TMIE: variants seen among roughly 807,000 people sequenced by gnomAD.
TMIE encodes transmembrane inner ear expressed protein.
In TMIE, 14 loss-of-function variants were observed where a neutral mutation model predicts 16.8. The ratio of observed to expected loss-of-function variants is 0.83; its 90% CI spans 0.55 to 1.30. TMIE has a LOEUF of 1.30. Ranked by LOEUF, TMIE falls within the 50% of genes most tolerant of loss-of-function variation. The pLI is 0.00. For synonymous variants in TMIE, 75 were observed against 87.2 expected, an observed-to-expected ratio of 0.86 and a Z score of 0.78; for missense variants, 204 against 205.9, an observed-to-expected ratio of 0.99 and a Z score of 0.06.
chr3:46,709,957 G>A lies in TMIE; in HGVS notation c.*269G>A. 1.9e-6 allele frequency: 1 copy of A among 522,154 alleles called. No individual in the cohort carries two copies. Among genetic ancestry groups the A allele is most frequent in the Non-Finnish European group, 3.2e-6 (1 of 307,732 alleles). The allele number at this position is 522,154 out of a possible 1,614,324, so 32.3% of individuals were successfully genotyped here. On this transcript the variant is annotated 3_prime_UTR_variant, in exon 4 of 4. Transcript: ENST00000643606. The stretch of plus-strand genomic sequence containing the variant: ...GGTGGTCTGGTGCCACCGTCCCTCT[G>A]CAGATACACTGCTCTCCCCACCCAG...
Position 46,705,878 on chromosome 3 carries a change from G to A in TMIE, c.182G>A (p.Gly61Asp). Residue 61 changes from glycine (G) to aspartate (D), a missense_variant, in exon 2 of 4, where the codon GGC becomes GAC. Physicochemically the swap from Gly to Asp is moderately conservative, Grantham distance 94 (BLOSUM62 -1). Coordinates refer to ENST00000643606, the MANE Select transcript of TMIE (RefSeq NM_147196.3). ...FWDMRLWHVVGIFSLFVLSII... is the reference protein window; with the variant it reads ...FWDMRLWHVVDIFSLFVLSII... ...GACATGCGCCTGTGGCACGTGGTGG[G>A]CATCTTTTCGCTCTTCGTGTTGTCC... The A allele has an allele frequency of 1.2e-6, 2 of 1,614,104 alleles. No homozygotes were observed. Among genetic ancestry groups the A allele is most frequent in the Non-Finnish European group, 1.7e-6 (2 of 1,180,028 alleles).
rs1022986273 is a variant in TMIE, at chr3:46,701,406, A to G, written c.-82A>G. The G allele has an allele frequency of 3.3e-6, 4 of 1,209,394 alleles. No individual in the cohort carries two copies. The South Asian group carries it at 6.0e-5, about 18-fold the overall frequency. The allele number at this position is 1,209,394 out of a possible 1,614,324, so 74.9% of individuals were successfully genotyped here. A position where few individuals can be genotyped will look rare whatever the true frequency, so the allele number is the denominator to read the frequency against. Reference sequence around the variant, plus strand: ...CTACCCGTGGCCAAAGCCCGTGGCCACCGAGCGCCGGCTGGCAGGGGCAGT... The same window carrying G: ...CTACCCGTGGCCAAAGCCCGTGGCCGCCGAGCGCCGGCTGGCAGGGGCAGT... On this transcript the variant is annotated 5_prime_UTR_variant, in exon 1 of 4. Transcript: ENST00000643606. This position sits in a 1 kb window ranked among gnomAD's most constrained non-coding sequence, Gnocchi z 4.3.
At chr3:46,701,242 A>C, upstream of TMIE, 120 of 298,022 alleles carry the variant, frequency 4.0e-4, no homozygotes, top group East Asian at 5.5e-4. The surrounding 1 kb of genome is among the most constrained non-coding windows in gnomAD (Gnocchi z 4.3). Context: ...GTCCCTGGGG[A>C]TGCGGAAGGT....
chr3:46,701,102 T>C (rs1416692295), upstream of TMIE, among the ~76,000 whole-genome samples: 1 of 150,810 alleles, frequency 6.6e-6, no homozygotes, highest in Admixed American at 6.6e-5. The surrounding 1 kb of genome is among the most constrained non-coding windows in gnomAD (Gnocchi z 4.3). Context: ...GCCTCCTAGA[T>C]CAGCAGATTC....
Position 46,701,661 on chromosome 3 carries a change from C to T in TMIE, c.93+81C>T. The T allele has an allele frequency of 2.7e-6, 3 of 1,125,456 alleles. No individual in the cohort carries two copies. The highest frequency in any genetic ancestry group is 3.4e-5 in the South Asian group (1 of 29,558). 69.7% of individuals were successfully genotyped at this position (1,125,456 alleles called of 1,614,324 possible). On this transcript the variant is annotated intron_variant, in intron 1 of 3. Coordinates refer to ENST00000643606, the MANE Select transcript of TMIE (RefSeq NM_147196.3). This position sits in a 1 kb window ranked among gnomAD's most constrained non-coding sequence, Gnocchi z 4.3. ...GGGGGAGAGGGGACGCCTTTTTGAT[C>T]CGGAGCTTGTTTGATCCCTTACTCT...
At position 46,709,683 on chromosome 3, in the gene TMIE, A is replaced by T. The variant is rs1700596785; in HGVS notation, c.466A>T (p.Lys156Ter). 6.2e-7 allele frequency: 1 copy of T among 1,613,878 alleles called. No homozygotes were observed. Among genetic ancestry groups the T allele is most frequent in the Non-Finnish European group, 8.5e-7 (1 of 1,179,960 alleles). ...TGAGGCCAAGAAGAAGAAAGGAGAG[A>T]AATGAAGACATCCTGGGCAGCTTGG... ...KNEAKKKKGE[K>*] The change falls in exon 4 of 4, where the codon AAA becomes TAA. Residue 156 changes from lysine (K) to a stop codon, truncating the protein, a stop_gained. Coordinates refer to ENST00000643606, the MANE Select transcript of TMIE (RefSeq NM_147196.3). LOFTEE classifies it high-confidence loss of function.
upstream of TMIE, among the ~76,000 whole-genome samples, chr3:46,696,624 G>C (rs913154079): frequency 1.3e-5 from 2 of 151,986 alleles, no homozygotes; most frequent in South Asian, 2.1e-4. Context: ...CCTACCCCCA[G>C]CTCCCCCAGA....
upstream of TMIE, among the ~76,000 whole-genome samples, chr3:46,701,095 T>C (rs1700466500): frequency 6.7e-6 from 1 of 150,314 alleles, no homozygotes; most frequent in Admixed American, 6.6e-5. This position sits in a 1 kb window ranked among gnomAD's most constrained non-coding sequence, Gnocchi z 4.3. Context: ...GGGAAGGGCC[T>C]CCTAGATCAG....
At chr3:46,694,723 T>C (rs1326087830) in intron 1 of TMIE, 1 of 151,794 alleles carries the variant, frequency 6.6e-6, no homozygotes, top group Non-Finnish European at 1.5e-5. Flanking sequence ...CCTTGGAGGG[T>C]TTCCAGCCTG....
At chr3:46,698,840 TTA>T (rs1330610608), upstream of TMIE, among the ~76,000 whole-genome samples, 3 of 148,806 alleles carry the variant, frequency 2.0e-5, no homozygotes, top group African/African-American at 7.7e-5. Flanking sequence ...TTTTCTTTTT[TTA>T]TTTTTTATTT....
chr3:46,700,942 G>T (rs1458642858), upstream of TMIE, among the ~76,000 whole-genome samples: 1 of 151,910 alleles, frequency 6.6e-6, no homozygotes, highest in African/African-American at 2.4e-5. Flanking sequence ...TGGTGTCCAG[G>T]GTGACCAGAG....
At position 46,701,637 on chromosome 3, in the gene TMIE, G is replaced by A; in HGVS notation, c.93+57G>A. ...CTGTCACCCTCCAGGCAGGGGGCTG[G>A]GGGAGAGGGGACGCCTTTTTGATCC... On this transcript the variant is annotated intron_variant, in intron 1 of 3. Coordinates refer to ENST00000643606, the MANE Select transcript of TMIE (RefSeq NM_147196.3). This position sits in a 1 kb window ranked among gnomAD's most constrained non-coding sequence, Gnocchi z 4.3. 3.3e-6 allele frequency: 4 copies of A among 1,221,800 alleles called. No individual in the cohort carries two copies. The highest frequency in any genetic ancestry group is 4.1e-6 in the Non-Finnish European group (4 of 967,084). The allele number at this position is 1,221,800 out of a possible 1,614,324, so 75.7% of individuals were successfully genotyped here.
At chr3:46,700,910 A>AC (rs1003383124), upstream of TMIE, among the ~76,000 whole-genome samples, 25 of 151,122 alleles carry the variant, frequency 1.7e-4, no homozygotes, top group South Asian at 1.3e-3. Flanking sequence ...CTCTGACCAT[A>AC]CCATCCCCTG....
At chr3:46,706,602 T>C (rs949404315) in intron 2 of TMIE, among the ~76,000 whole-genome samples, 2 of 148,880 alleles carry the variant, frequency 1.3e-5, no homozygotes, top group African/African-American at 5.0e-5. Flanking sequence ...AAAAGCAGAG[T>C]GGGGGGGAAT....
At position 46,710,848 on chromosome 3, in the gene TMIE, C is replaced by T. The variant is rs185871296; in HGVS notation, c.*1160C>T. 2.8e-4 allele frequency: 42 copies of T among 152,354 alleles called. No individual in the cohort carries two copies. The highest frequency in any genetic ancestry group is 1.0e-3 in the African/African-American group (42 of 41,572). The allele number at this position is 152,354 out of a possible 1,614,324, so 9.4% of individuals were successfully genotyped here. ...CAGGAGAGCCTGCTGGAAAAGCAGC[C>T]TGCAGAGATTTGTGAATAAAGCTGA... On this transcript the variant is annotated 3_prime_UTR_variant, in exon 4 of 4. Transcript: ENST00000643606.
upstream of TMIE, among the ~76,000 whole-genome samples, chr3:46,694,043 C>T (rs1228778442): frequency 6.6e-6 from 1 of 152,226 alleles, no homozygotes; most frequent in Non-Finnish European, 1.5e-5. Flanking sequence ...CTCGCCCCGC[C>T]AGTCAGTCGC....
intron 1 of TMIE, among the ~76,000 whole-genome samples, chr3:46,703,850 A>C (rs1700508291): frequency 6.6e-6 from 1 of 152,128 alleles, no homozygotes; most frequent in Admixed American, 6.5e-5. Context: ...GGATGGTCGA[A>C]CTACAGGTTG....
rs753978775 is a variant in TMIE at position 46,709,604 on chromosome 3, GAA to G, written c.388_389del (p.Lys130GlufsTer15). ...GEDKKKKKKK[K>X]KDSVDTVAIK... is the part of the protein sequence containing the mutation. Reference sequence around the variant, plus strand: ...AGGATAAGAAGAAGAAGAAGAAGAAGAAGAAGGACAGTGTGGACACAGTGGCC... The same window carrying G: ...AGGATAAGAAGAAGAAGAAGAAGAAGGAAGGACAGTGTGGACACAGTGGCC... On this transcript the variant is annotated frameshift_variant, in exon 4 of 4. Coordinates refer to ENST00000643606, the MANE Select transcript of TMIE (RefSeq NM_147196.3). LOFTEE classifies it high-confidence loss of function. 7.4e-6 allele frequency: 12 copies of G among 1,613,248 alleles called. No homozygotes were observed. The highest frequency in any genetic ancestry group is 1.0e-5 in the Non-Finnish European group (12 of 1,179,704).
chr3:46,706,510 G>T (rs920471451), intron 2 of TMIE, among the ~76,000 whole-genome samples: 22 of 152,224 alleles, frequency 1.4e-4, no homozygotes, highest in African/African-American at 4.8e-4. Flanking sequence ...GTTGGGGAAG[G>T]GGACAGAAAG....
Sources: gnomAD v4.1 joint callset for allele counts (sites outside exome capture counted in the v4.1 genomes callset) on GRCh38, gnomAD v4.1.1 for gene constraint, Gnocchi (gnomAD v3.1) non-coding constraint, MANE v1.5 for transcripts, NCBI Gene and HGNC (gene_info 2026-07-23, HGNC 2026-07-21) for gene names.